HS3ST3A1: variants seen among roughly 807,000 people sequenced by gnomAD.
The protein encoded by HS3ST3A1 is heparan sulfate glucosamine 3-O-sulfotransferase 3A1.
In HS3ST3A1, 19 loss-of-function variants were observed where a neutral mutation model predicts 25.7. The observed-to-expected ratio is 0.74, with a 90% CI of 0.52 to 1.08. The LOEUF (loss-of-function observed/expected upper bound fraction) is 1.08, where lower values mean the gene tolerates loss of function less well. Among genes scored for constraint, HS3ST3A1 ranks in the 50% least tolerant of loss-of-function variants. The pLI is 0.00. For synonymous variants in HS3ST3A1, 226 were observed against 278.6 expected, an observed-to-expected ratio of 0.81 and a Z score of 1.88; for missense variants, 459 against 594.3, an observed-to-expected ratio of 0.77 and a Z score of 2.37.
intron 1 of HS3ST3A1, among the ~76,000 whole-genome samples, chr17:13,599,796 GC>G (rs1908671332): frequency 6.6e-6 from 1 of 152,090 alleles, no homozygotes; most frequent in African/African-American, 2.4e-5. Context: ...CTTTTAATTG[GC>G]TACCTTATTT....
At chr17:13,587,461 AAAT>A (rs1209747078) in intron 1 of HS3ST3A1, among the ~76,000 whole-genome samples, 1 of 152,222 alleles carries the variant, frequency 6.6e-6, no homozygotes, top group Non-Finnish European at 1.5e-5. Flanking sequence ...TCAAAAATAA[AAAT>A]AATAATAATC....
At chr17:13,560,016 G>A (rs8079758) in intron 1 of HS3ST3A1, among the ~76,000 whole-genome samples, 5,485 of 151,638 alleles carry the variant, frequency 0.036, 360 homozygotes, top group African/African-American at 0.13. Flanking sequence ...TTGGCCGGGC[G>A]TGGTGGTTCA....
chr17:13,544,013 T>C (rs1345453628), intron 1 of HS3ST3A1, among the ~76,000 whole-genome samples: 1 of 152,168 alleles, frequency 6.6e-6, no homozygotes, highest in South Asian at 2.1e-4. Flanking sequence ...AGTACAGTTT[T>C]TGTGAAAATT....
chr17:13,514,279 A>G (rs1318340124), intron 1 of HS3ST3A1, among the ~76,000 whole-genome samples: 1 of 151,942 alleles, frequency 6.6e-6, no homozygotes, highest in African/African-American at 2.4e-5. Context: ...AAATCCATCA[A>G]TGTTTTTCTT....
At chr17:13,580,362 T>C (rs1217250725) in intron 1 of HS3ST3A1, among the ~76,000 whole-genome samples, 1 of 152,152 alleles carries the variant, frequency 6.6e-6, no homozygotes, top group African/African-American at 2.4e-5. Context: ...CCCTAGTGTT[T>C]TCTCATGGAA....
intron 1 of HS3ST3A1, among the ~76,000 whole-genome samples, chr17:13,500,002 G>C (rs983892349): frequency 3.3e-5 from 5 of 152,198 alleles, no homozygotes; most frequent in South Asian, 2.1e-4. Flanking sequence ...ACTCACAACA[G>C]AATTCTTTAA....
chr17:13,566,959 C>A, intron 1 of HS3ST3A1, among the ~76,000 whole-genome samples: 1 of 152,198 alleles, frequency 6.6e-6, no homozygotes, highest in Admixed American at 6.5e-5. Context: ...AAGGTGGCTA[C>A]ACCAAACAAC....
At chr17:13,564,755 A>T (rs1907635159) in intron 1 of HS3ST3A1, among the ~76,000 whole-genome samples, 1 of 130,820 alleles carries the variant, frequency 7.6e-6, no homozygotes. Flanking sequence ...ACAGAGTCTC[A>T]CTCTGTCACC....
intron 1 of HS3ST3A1, among the ~76,000 whole-genome samples, chr17:13,507,132 T>C (rs368832099): frequency 1.4e-4 from 21 of 150,200 alleles, no homozygotes; most frequent in East Asian, 5.9e-4. Context: ...TAGTCATGGA[T>C]AGGACTACAT....
chr17:13,557,400 T>C (rs986788733), intron 1 of HS3ST3A1, among the ~76,000 whole-genome samples: 5 of 151,514 alleles, frequency 3.3e-5, no homozygotes, highest in South Asian at 2.1e-4. Context: ...AGACAACCTC[T>C]AAAGAGAAAG....
chr17:13,569,949 C>T lies in HS3ST3A1; in HGVS notation c.599+30582G>A, dbSNP rs571637383. Among the ~76,000 whole-genome samples, 41 of 152,294 alleles carry T rather than the reference C, an allele frequency of 2.7e-4. 1 individual carries two copies. The South Asian group carries it at 7.3e-3, about 27-fold the overall frequency. On this transcript the variant is annotated intron_variant, in intron 1 of 1. Transcript: ENST00000284110. ...CCTTCCTGCTCACAGAAGCTGTGTC[C>T]TAGATGTGTAGGCTGGAGATTCTAT...
At chr17:13,526,419 A>T (rs918565022) in intron 1 of HS3ST3A1, among the ~76,000 whole-genome samples, 4 of 147,324 alleles carry the variant, frequency 2.7e-5, no homozygotes, top group African/African-American at 1.0e-4. Flanking sequence ...GGGGAAGGAA[A>T]CACTTAAAGC....
Position 13,495,722 on chromosome 17 carries a change from GGTGTATTTGAAA to G in HS3ST3A1, c.*463_*474del, listed in dbSNP as rs1905246753. 6.5e-6 allele frequency: 1 copy of G among 153,034 alleles called. No individual in the cohort carries two copies. The highest frequency in any genetic ancestry group is 2.0e-4 in the South Asian group (1 of 4,884). The allele number at this position is 153,034 out of a possible 1,614,324, so 9.5% of individuals were successfully genotyped here. A position where few individuals can be genotyped will look rare whatever the true frequency, so the allele number is the denominator to read the frequency against. On this transcript the variant is annotated 3_prime_UTR_variant, in exon 2 of 2. Transcript: ENST00000284110. ...ATTTTTTTATTTTAATGATCAAAAAGGTGTATTTGAAAGCACTATGAAAACTGTGACGGGTAC... is the reference window on the plus strand; with the variant it reads ...ATTTTTTTATTTTAATGATCAAAAAGGCACTATGAAAACTGTGACGGGTAC...
intron 1 of HS3ST3A1, among the ~76,000 whole-genome samples, chr17:13,503,173 CAA>C (rs144678351): frequency 0.035 from 3,001 of 86,902 alleles, 55 homozygotes; most frequent in African/African-American, 0.12. Context: ...GACTCCATCT[CAA>C]AAAAAAAAAA....
At chr17:13,543,235 G>A (rs79199298) in intron 1 of HS3ST3A1, among the ~76,000 whole-genome samples, 2,362 of 152,116 alleles carry the variant, frequency 0.016, 60 homozygotes, top group African/African-American at 0.054. Flanking sequence ...TATACTAATC[G>A]CAACAAGCAT....
intron 1 of HS3ST3A1, among the ~76,000 whole-genome samples, chr17:13,529,052 A>C (rs1906522415): frequency 6.6e-6 from 1 of 152,212 alleles, no homozygotes; most frequent in Non-Finnish European, 1.5e-5. Flanking sequence ...GGGAAATGGT[A>C]GTCCTGGGAG....
chr17:13,537,330 A>G (rs3826371), intron 1 of HS3ST3A1, among the ~76,000 whole-genome samples: 133,421 of 152,256 alleles, frequency 0.88, 58,743 homozygotes, highest in African/African-American at 0.96. Context: ...TTATAAAGCA[A>G]CTAGAGAAAT....
intron 1 of HS3ST3A1, among the ~76,000 whole-genome samples, chr17:13,590,967 G>A (rs1417942164): frequency 6.6e-6 from 1 of 151,994 alleles, no homozygotes; most frequent in African/African-American, 2.4e-5. Context: ...ACTAGCCACG[G>A]CACGCAGGCC....
intron 1 of HS3ST3A1, among the ~76,000 whole-genome samples, chr17:13,578,359 C>T (rs1908000494): frequency 6.8e-6 from 1 of 147,836 alleles, no homozygotes. Context: ...ACCAGCCCGG[C>T]CAACACGGTG....
Sources: gnomAD v4.1 joint callset for allele counts (sites outside exome capture counted in the v4.1 genomes callset) on GRCh38, gnomAD v4.1.1 for gene constraint, MANE v1.5 for transcripts, NCBI Gene and HGNC (gene_info 2026-07-23, HGNC 2026-07-21) for gene names.